FAM114A2: variants seen among roughly 807,000 people sequenced by gnomAD.
FAM114A2 encodes protein FAM114A2.
In FAM114A2, 53 loss-of-function variants were observed where a neutral mutation model predicts 58.4. The observed-to-expected ratio is 0.91, with a 90% CI of 0.73 to 1.14. FAM114A2 has a LOEUF of 1.14. Ranked by LOEUF, FAM114A2 falls within the 50% of genes most tolerant of loss-of-function variation. FAM114A2 has a pLI of 0.00. For missense variants in FAM114A2, 601 were observed against 581.1 expected, an observed-to-expected ratio of 1.03 and a Z score of -0.35; for synonymous variants, 228 against 211.4, an observed-to-expected ratio of 1.08 and a Z score of -0.68.
intron 12 of FAM114A2, among the ~76,000 whole-genome samples, chr5:153,996,355 A>G (rs1487517404): frequency 3.3e-5 from 5 of 152,182 alleles, no homozygotes; most frequent in Admixed American, 6.5e-5. Context: ...ATGCAAAAGC[A>G]TGAAGCAGGG....
At chr5:154,002,820 CA>C (rs759662984) in intron 10 of FAM114A2, 26 bp downstream of exon 10, 3 of 1,613,106 alleles carry the variant, frequency 1.9e-6, no homozygotes, top group East Asian at 4.5e-5. Context: ...CTAAAACAAA[CA>C]AAAAAGGCTT....
In FAM114A2 at chr5:154,003,082, A is replaced by C. The variant is rs992825646; in HGVS notation, c.994-113T>G. 1.9e-5 allele frequency: 16 copies of C among 852,966 alleles called. No individual in the cohort carries two copies. In the African/African-American group the frequency reaches 2.5e-4, roughly 13 times the overall value. The allele number at this position is 852,966 out of a possible 1,614,324, so 52.8% of individuals were successfully genotyped here. ...AAGTAAGGGCTCCTGTTCTTACCTG[A>C]ACGTACCATCTAGCTTTTCAGTCCT... On this transcript the variant is annotated intron_variant, in intron 9 of 13. Coordinates refer to ENST00000351797, the MANE Select transcript of FAM114A2 (RefSeq NM_018691.4).
chr5:154,033,706 T>C, intron 4 of FAM114A2, 85 bp downstream of exon 4: 1 of 771,596 alleles, frequency 1.3e-6, no homozygotes, highest in Non-Finnish European at 2.2e-6. Flanking sequence ...GAGTATCAGA[T>C]GTCCAATAAA....
rs776906272 is a variant in FAM114A2, at chr5:154,027,267, T to C, written c.698A>G (p.Lys233Arg). The C allele has an allele frequency of 2.4e-5, 39 of 1,613,600 alleles. No homozygotes were observed. The highest frequency in any genetic ancestry group is 3.2e-5 in the Non-Finnish European group (38 of 1,179,634). ...AAAGAGTAGCCCATAATGAGTTTTC[T>C]TGTCTGTTTCCACGGTAACCTCATT... ...TSNEVTVETDKKTHYGLLFDE... is the reference protein window; with the variant it reads ...TSNEVTVETDRKTHYGLLFDE... Residue 233 changes from lysine to arginine, a missense_variant, in exon 7 of 14, where the codon AAG becomes AGG. Transcript: ENST00000351797.
At chr5:154,026,285 CA>C (rs1383113897) in intron 8 of FAM114A2, 113 bp downstream of exon 8, 43 of 848,370 alleles carry the variant, frequency 5.1e-5, no homozygotes, top group Non-Finnish European at 6.6e-5. Flanking sequence ...AAATTTTCAC[CA>C]AAAAAGTAAA....
At chr5:154,002,188 T>C in intron 11 of FAM114A2, 63 bp downstream of exon 11, 1 of 1,510,814 alleles carries the variant, frequency 6.6e-7, no homozygotes, top group Non-Finnish European at 9.2e-7. Context: ...TATAAAACTT[T>C]GGAAACAGGC....
intron 13 of FAM114A2, among the ~76,000 whole-genome samples, chr5:153,993,773 T>A (rs1769388319): frequency 6.6e-6 from 1 of 151,874 alleles, no homozygotes; most frequent in Non-Finnish European, 1.5e-5. Context: ...CAAGAGTGTT[T>A]CAAATCTGTA....
At position 154,029,505 on chromosome 5, in the gene FAM114A2, G is replaced by T; in HGVS notation, c.479C>A (p.Thr160Asn). ...TTTACTTACTGTGCTCTGAACAGCA[G>T]TAGAGATGGTAGAGAATACACCAAA... is the stretch of plus-strand genomic sequence containing the variant. ...GAFGVFSTISTAVQSTGKSVI... is the reference protein window; with the variant it reads ...GAFGVFSTISNAVQSTGKSVI... The change falls in exon 5 of 14, where the codon ACT becomes AAT. Residue 160 changes from threonine (T) to asparagine (N), a missense_variant. Coordinates refer to ENST00000351797, the MANE Select transcript of FAM114A2 (RefSeq NM_018691.4). 6.2e-7 allele frequency: 1 copy of T among 1,603,338 alleles called. No homozygotes were observed. The highest frequency in any genetic ancestry group is 8.5e-7 in the Non-Finnish European group (1 of 1,170,672).
Position 153,992,998 on chromosome 5 carries a change from T to C in FAM114A2, c.1496A>G (p.Gln499Arg), listed in dbSNP as rs762342947. 1.2e-6 allele frequency: 2 copies of C among 1,612,266 alleles called. No homozygotes were observed. Among genetic ancestry groups the C allele is most frequent in the South Asian group, 2.2e-5 (2 of 90,792 alleles). The stretch of plus-strand genomic sequence containing the variant: ...TCTTCAATGTTCTAACAAAGGTTTC[T>C]GGCCCTGCAGCTCATGTCTGTGTGA... The part of the protein sequence containing the change: ...IESHRHELQG[Q>R]KPLLEH Residue 499 changes from glutamine to arginine, a missense_variant, in exon 14 of 14, where the codon CAG (glutamine) becomes CGG (arginine). Transcript: ENST00000351797.
At position 154,028,292 on chromosome 5, in the gene FAM114A2, T is replaced by C. The variant is rs747079046; in HGVS notation, c.496-9A>G. 32 of 1,572,256 alleles carry C rather than the reference T, an allele frequency of 2.0e-5. No homozygotes were observed. Among genetic ancestry groups the C allele is most frequent in the Non-Finnish European group, 2.5e-5 (29 of 1,148,796 alleles). On this transcript the variant is annotated splice_polypyrimidine_tract_variant and intron_variant, in intron 5 of 13. Transcript: ENST00000351797. ...CTTATAACACTCTTTCCCTAGAAAA[T>C]ACATGCAACCTCATTACAACAATAT...
chr5:154,000,461 C>CCA (rs1769901529), intron 11 of FAM114A2, among the ~76,000 whole-genome samples: 1 of 90,452 alleles, frequency 1.1e-5, no homozygotes, highest in Admixed American at 1.2e-4. Flanking sequence ...CACATGTACC[C>CCA]CATATATATA....
At chr5:154,017,493 T>C (rs967182247) in intron 8 of FAM114A2, among the ~76,000 whole-genome samples, 4 of 94,802 alleles carry the variant, frequency 4.2e-5, no homozygotes, top group Non-Finnish European at 9.4e-5. Flanking sequence ...AACACAATAA[T>C]AGTGGGGGAC....
At chr5:153,997,910 C>CT in intron 11 of FAM114A2, 35 bp from the exon 12 acceptor site, 1 of 1,299,036 alleles carries the variant, frequency 7.7e-7, no homozygotes, top group Non-Finnish European at 1.1e-6. Context: ...AACGTTTTTT[C>CT]TTTTTTTAAA....
At chr5:154,004,460 C>A (rs1375616365) in intron 9 of FAM114A2, among the ~76,000 whole-genome samples, 1 of 152,168 alleles carries the variant, frequency 6.6e-6, no homozygotes, top group Non-Finnish European at 1.5e-5. Flanking sequence ...TATTTCTAGA[C>A]CTGACCTCTC....
chr5:154,012,088 G>C (rs1770737983), intron 8 of FAM114A2, among the ~76,000 whole-genome samples: 1 of 152,078 alleles, frequency 6.6e-6, no homozygotes, highest in Non-Finnish European at 1.5e-5. Context: ...GAAAAGAAGA[G>C]AGGCAGGCTG....
At chr5:154,033,757 A>T in intron 4 of FAM114A2, 34 bp downstream of exon 4, 1 of 1,257,780 alleles carries the variant, frequency 8.0e-7, no homozygotes, top group Non-Finnish European at 1.1e-6. Flanking sequence ...ATTTCAATTC[A>T]TAATTCTAGG....
chr5:153,999,582 G>A (rs369577830), intron 11 of FAM114A2, among the ~76,000 whole-genome samples: 2 of 150,262 alleles, frequency 1.3e-5, no homozygotes, highest in South Asian at 2.1e-4. Context: ...TGCAGTGAAC[G>A]AGATTGCGCC....
intron 6 of FAM114A2, 31 bp from the exon 7 acceptor site, chr5:154,027,365 C>CA (rs760503110): frequency 6.3e-7 from 1 of 1,587,366 alleles, no homozygotes; most frequent in Non-Finnish European, 8.6e-7. Flanking sequence ...TACACTGTAG[C>CA]AAACAATGAG....
intron 8 of FAM114A2, among the ~76,000 whole-genome samples, chr5:154,012,373 C>T (rs895442003): frequency 6.6e-6 from 1 of 152,174 alleles, no homozygotes; most frequent in African/African-American, 2.4e-5. Flanking sequence ...TTTCCCTCTC[C>T]ACTCATCTGA....
Sources: gnomAD v4.1 joint callset for allele counts (sites outside exome capture counted in the v4.1 genomes callset) on GRCh38, gnomAD v4.1.1 for gene constraint, MANE v1.5 for transcripts, NCBI Gene and HGNC (gene_info 2026-07-23, HGNC 2026-07-21) for gene names.